DUSP19: variants seen among roughly 807,000 people sequenced by gnomAD.
DUSP19 encodes the protein dual specificity phosphatase 19.
A neutral mutation model predicts 16.6 loss-of-function variants in DUSP19; 14 were observed. The ratio of observed to expected loss-of-function variants is 0.84; its 90% CI spans 0.56 to 1.32. The LOEUF (loss-of-function observed/expected upper bound fraction) is 1.32, where lower values mean the gene tolerates loss of function less well. Ranked by LOEUF, DUSP19 falls within the 40% of genes most tolerant of loss-of-function variation. DUSP19 has a pLI of 0.00. For missense variants in DUSP19, 258 were observed against 255.9 expected (o/e 1.01, Z -0.06); for synonymous variants, 81 against 90.5 (o/e 0.90, Z 0.59).
chr2:183,081,842 TA>T (rs908644019), intron 1 of DUSP19, among the ~76,000 whole-genome samples: 2 of 152,012 alleles, frequency 1.3e-5, no homozygotes, highest in Admixed American at 1.3e-4. Context: ...TTCAGCCACC[TA>T]AAATCACATA....
At chr2:183,083,352 G>C in intron 1 of DUSP19, 156 bp from the exon 2 acceptor site, 1 of 609,256 alleles carries the variant, frequency 1.6e-6, no homozygotes, top group Non-Finnish European at 2.8e-6. Flanking sequence ...AGTTTATGTA[G>C]GATGACTGTT....
At chr2:183,088,459 G>A (rs1575095547) in intron 3 of DUSP19, among the ~76,000 whole-genome samples, 1 of 143,838 alleles carries the variant, frequency 7.0e-6, no homozygotes, top group South Asian at 2.3e-4. Flanking sequence ...AGGCTGGAGT[G>A]CAGTAGTGTG....
rs1699551107 is a variant in DUSP19 at position 183,078,780 on chromosome 2, A to G, written c.-154A>G. 2 of 650,812 alleles carry G rather than the reference A, an allele frequency of 3.1e-6. No individual in the cohort carries two copies. Among genetic ancestry groups the G allele is most frequent in the Admixed American group, 5.7e-5 (2 of 34,814 alleles). The allele number at this position is 650,812 out of a possible 1,614,324, so 40.3% of individuals were successfully genotyped here. ...TCGCTGGGATAAACGGAGCTGGACG[A>G]CTCAGTCTCTTGGTCTGTGGCTGCT... On this transcript the variant is annotated 5_prime_UTR_variant, in exon 1 of 4. Coordinates refer to ENST00000354221, the MANE Select transcript of DUSP19 (RefSeq NM_080876.4).
chr2:183,099,169 G>A lies in DUSP19; in HGVS notation c.*3511G>A, dbSNP rs1206175943. The A allele has an allele frequency of 6.6e-6, 1 of 152,060 alleles. No individual in the cohort carries two copies. Among genetic ancestry groups the A allele is most frequent in the Non-Finnish European group, 1.5e-5 (1 of 67,994 alleles). The allele number at this position is 152,060 out of a possible 1,614,324, so 9.4% of individuals were successfully genotyped here. A position where few individuals can be genotyped will look rare whatever the true frequency, so the allele number is the denominator to read the frequency against. ...TGTATATAGAAGGTCCCCTTCAAGT[G>A]TTGTTTCTCCAAGTAGTCATAAATG... On this transcript the variant is annotated 3_prime_UTR_variant, in exon 4 of 4. Transcript: ENST00000354221.
At chr2:183,083,456 AG>A in intron 1 of DUSP19, 51 bp from the exon 2 acceptor site, 1 of 1,484,540 alleles carries the variant, frequency 6.7e-7, no homozygotes, top group Non-Finnish European at 9.1e-7. Flanking sequence ...TTTATATAAA[AG>A]TTCAAGATGA....
In DUSP19 at chr2:183,098,211, A is replaced by T. The variant is rs1490635645; in HGVS notation, c.*2553A>T. On this transcript the variant is annotated 3_prime_UTR_variant, in exon 4 of 4. Coordinates refer to ENST00000354221, the MANE Select transcript of DUSP19 (RefSeq NM_080876.4). ...ACCTGGCCTGGATTGTGTATTATTTATGTCTGTAGTTTATATGCTTAGTTG... is the reference window on the plus strand; with the variant it reads ...ACCTGGCCTGGATTGTGTATTATTTTTGTCTGTAGTTTATATGCTTAGTTG... 1 of 152,090 alleles carries T rather than the reference A, an allele frequency of 6.6e-6. No individual in the cohort carries two copies. Among genetic ancestry groups the T allele is most frequent in the Non-Finnish European group, 1.5e-5 (1 of 68,010 alleles). 9.4% of individuals were successfully genotyped at this position (152,090 alleles called of 1,614,324 possible). A position where few individuals can be genotyped will look rare whatever the true frequency, so the allele number is the denominator to read the frequency against.
chr2:183,087,796 T>G (rs1699681756), intron 3 of DUSP19, among the ~76,000 whole-genome samples: 1 of 152,202 alleles, frequency 6.6e-6, no homozygotes, highest in Admixed American at 6.5e-5. Flanking sequence ...GAGAAATAAC[T>G]CTTCTGGAAC....
chr2:183,093,000 C>T (rs1372042237), intron 3 of DUSP19, among the ~76,000 whole-genome samples: 1 of 152,130 alleles, frequency 6.6e-6, no homozygotes. Flanking sequence ...CTGTGCCTGG[C>T]CATGCCGAAG....
intron 3 of DUSP19, among the ~76,000 whole-genome samples, chr2:183,090,344 CT>C (rs752570482): frequency 4.6e-5 from 7 of 152,168 alleles, no homozygotes; most frequent in Non-Finnish European, 2.9e-5. Context: ...CTTCTCTGTC[CT>C]TCCTTTATGC....
intron 3 of DUSP19, among the ~76,000 whole-genome samples, chr2:183,092,932 G>A (rs1379724068): frequency 1.3e-5 from 2 of 152,014 alleles, no homozygotes; most frequent in African/African-American, 4.8e-5. Context: ...TCGGACTCCT[G>A]ACCTTGTGAT....
intron 2 of DUSP19, among the ~76,000 whole-genome samples, chr2:183,084,681 C>T (rs963084990): frequency 6.6e-6 from 1 of 152,064 alleles, no homozygotes; most frequent in African/African-American, 2.4e-5. Context: ...TGAGAAGTTA[C>T]CCAGAGATGT....
chr2:183,082,251 T>C (rs1423356442), intron 1 of DUSP19, among the ~76,000 whole-genome samples: 1 of 152,078 alleles, frequency 6.6e-6, no homozygotes. Flanking sequence ...AAAGTCAGAA[T>C]GAGCATAAAG....
chr2:183,087,354 T>A (rs975040446), intron 3 of DUSP19, among the ~76,000 whole-genome samples, 162 bp downstream of exon 3: 5 of 152,228 alleles, frequency 3.3e-5, no homozygotes, highest in African/African-American at 1.2e-4. Flanking sequence ...GGTTAATTGC[T>A]CTTTTTTCAA....
rs1234307341 is a variant in DUSP19, at chr2:183,099,265, G to A, written c.*3607G>A. On this transcript the variant is annotated 3_prime_UTR_variant, in exon 4 of 4. Transcript: ENST00000354221. ...ACCTAATGAGTCAATACCTTTATAAGCAAAACCATGATAAATTTAAAAACA... is the reference window on the plus strand; with the variant it reads ...ACCTAATGAGTCAATACCTTTATAAACAAAACCATGATAAATTTAAAAACA... 1 of 152,038 alleles carries A rather than the reference G, an allele frequency of 6.6e-6. No homozygotes were observed. The highest frequency in any genetic ancestry group is 1.9e-4 in the East Asian group (1 of 5,196). 9.4% of individuals were successfully genotyped at this position (152,038 alleles called of 1,614,324 possible).
chr2:183,080,995 C>T (rs908138174), intron 1 of DUSP19, among the ~76,000 whole-genome samples: 43 of 152,194 alleles, frequency 2.8e-4, no homozygotes, highest in African/African-American at 1.0e-3. Context: ...GTTCTAAGAG[C>T]TTCTTTCACC....
At chr2:183,092,137 G>C (rs1343249700) in intron 3 of DUSP19, among the ~76,000 whole-genome samples, 1 of 152,118 alleles carries the variant, frequency 6.6e-6, no homozygotes, top group Non-Finnish European at 1.5e-5. Flanking sequence ...CTGAACTAAG[G>C]AGTATATTTT....
rs1009573905 is a variant in DUSP19, at chr2:183,099,566, A to G, written c.*3908A>G. The G allele has an allele frequency of 2.6e-5, 4 of 152,218 alleles. No individual in the cohort carries two copies. Among genetic ancestry groups the G allele is most frequent in the Non-Finnish European group, 4.4e-5 (3 of 68,038 alleles). 9.4% of individuals were successfully genotyped at this position (152,218 alleles called of 1,614,324 possible). A position where few individuals can be genotyped will look rare whatever the true frequency, so the allele number is the denominator to read the frequency against. On this transcript the variant is annotated 3_prime_UTR_variant, in exon 4 of 4. Coordinates refer to ENST00000354221, the MANE Select transcript of DUSP19 (RefSeq NM_080876.4). ...GAGTTACTTGTTTTTATACATATTC[A>G]TCATGTACCCTTTATTGTTTCTAGG... is the stretch of plus-strand genomic sequence containing the variant.
chr2:183,091,595 G>A lies in DUSP19; in HGVS notation c.427-3836G>A, dbSNP rs569188641. Among the ~76,000 whole-genome samples, 17 of 152,310 alleles carry A rather than the reference G, an allele frequency of 1.1e-4. No homozygotes were observed. The South Asian group carries it at 1.2e-3, about 11-fold the overall frequency. ...GCTGAAGTGAAGTTACAAAGGTCAC[G>A]CTCCTGTGCAAACATCTGATTGGTT... On this transcript the variant is annotated intron_variant, in intron 3 of 3. Transcript: ENST00000354221.
At chr2:183,090,260 C>T (rs1011324947) in intron 3 of DUSP19, among the ~76,000 whole-genome samples, 9 of 152,176 alleles carry the variant, frequency 5.9e-5, no homozygotes, top group African/African-American at 2.2e-4. Flanking sequence ...TTTTGCATAC[C>T]GTTGCCAAAT....
Sources: gnomAD v4.1 joint callset for allele counts (sites outside exome capture counted in the v4.1 genomes callset) on GRCh38, gnomAD v4.1.1 for gene constraint, MANE v1.5 for transcripts, NCBI Gene and HGNC (gene_info 2026-07-23, HGNC 2026-07-21) for gene names.